CHPT1: variants seen among roughly 807,000 people sequenced by gnomAD.
The protein encoded by CHPT1 is cholinephosphotransferase 1.
CHPT1 carries 36 observed loss-of-function variants against 47.6 expected under a neutral mutation model. The ratio of observed to expected loss-of-function variants is 0.76; its 90% confidence interval spans 0.58 to 1.00. The LOEUF is 1.00. Ranked by LOEUF, CHPT1 falls within the 50% of genes least tolerant of loss-of-function variation. The pLI, the probability that CHPT1 is intolerant of heterozygous loss-of-function variation, is 0.00. For synonymous variants in CHPT1, 194 were observed against 186.3 expected, an observed-to-expected ratio of 1.04 and a Z score of -0.33; for missense variants, 458 against 498.1, an observed-to-expected ratio of 0.92 and a Z score of 0.77.
At chr12:101,726,453 A>AAGTT (rs1951946561) in intron 8 of CHPT1, 49 bp downstream of exon 8, 10 of 1,600,280 alleles carry the variant, frequency 6.2e-6, no homozygotes, top group South Asian at 1.1e-5. Context: ...AGAGGAGATG[A>AAGTT]AGTTAGGGGA....
intron 7 of CHPT1, 92 bp from the exon 8 acceptor site, chr12:101,726,202 T>TAA: frequency 1.2e-6 from 1 of 831,550 alleles, no homozygotes; most frequent in African/African-American, 1.7e-5. Flanking sequence ...AATTTTAGGT[T>TAA]AAGGTTTGAT....
chr12:101,704,045 A>G (rs933645610), intron 1 of CHPT1, among the ~76,000 whole-genome samples: 9 of 152,316 alleles, frequency 5.9e-5, no homozygotes, highest in South Asian at 2.1e-4. Context: ...TGCAGTTTCT[A>G]TTTTTATGAA....
chr12:101,714,703 CTG>C, intron 3 of CHPT1, 58 bp downstream of exon 3: 2 of 1,504,182 alleles, frequency 1.3e-6, no homozygotes, highest in South Asian at 2.6e-5. Context: ...TTTGCACAAT[CTG>C]TTATGTCATT....
intron 8 of CHPT1, chr12:101,727,993 T>TAATC (rs1952007478): frequency 6.6e-6 from 1 of 152,294 alleles, no homozygotes; most frequent in Non-Finnish European, 1.5e-5. Context: ...CTCACACCTG[T>TAATC]AATCCCAGCA....
At chr12:101,719,996 G>C in intron 4 of CHPT1, 127 bp from the exon 5 acceptor site, 1 of 524,192 alleles carries the variant, frequency 1.9e-6, no homozygotes. Context: ...TTATATTCCA[G>C]AAGTTAAGGT....
At position 101,716,745 on chromosome 12, in the gene CHPT1, T is replaced by A. The variant is rs771123242; in HGVS notation, c.581T>A (p.Ile194Asn). 51 of 1,606,638 alleles carry A rather than the reference T, an allele frequency of 3.2e-5. No homozygotes were observed. Among genetic ancestry groups the A allele is most frequent in the Non-Finnish European group, 3.8e-5 (45 of 1,176,802 alleles). Residue 194 changes from isoleucine to asparagine, a missense_variant, in exon 4 of 9, where the codon ATT becomes AAT. Physicochemically the swap from Ile to Asn is moderately radical, Grantham distance 149. Coordinates refer to ENST00000229266, the MANE Select transcript of CHPT1 (RefSeq NM_020244.3). ...LRFGKVDVTE[I>N]QIALVIVFVL... ...CTCTTTAGAGTGGATGTAACTGAAA[T>A]TCAGATAGCTTTAGTGATTGTCTTT...
chr12:101,713,701 T>G (rs751624219), intron 1 of CHPT1, among the ~76,000 whole-genome samples: 39 of 152,214 alleles, frequency 2.6e-4, no homozygotes, highest in Non-Finnish European at 4.7e-4. Context: ...TAGTCCCTGA[T>G]ACTCCATTGT....
intron 8 of CHPT1, 57 bp from the exon 9 acceptor site, chr12:101,728,844 T>G: frequency 6.3e-7 from 1 of 1,590,502 alleles, no homozygotes. Context: ...ATTAAACTAT[T>G]CTAAAGACTT....
At chr12:101,714,441 T>C in intron 2 of CHPT1, 63 bp from the exon 3 acceptor site, 1 of 1,397,874 alleles carries the variant, frequency 7.2e-7, no homozygotes. Flanking sequence ...CTAAACAGCA[T>C]AGGGCAATTA....
chr12:101,716,177 G>T (rs1280082527), intron 3 of CHPT1, among the ~76,000 whole-genome samples: 1 of 152,072 alleles, frequency 6.6e-6, no homozygotes, highest in East Asian at 1.9e-4. Flanking sequence ...GACTGATGCT[G>T]ATTGGTTAGT....
chr12:101,722,095 T>TA (rs1336769663), intron 5 of CHPT1, among the ~76,000 whole-genome samples: 1 of 152,058 alleles, frequency 6.6e-6, no homozygotes, highest in Non-Finnish European at 1.5e-5. Context: ...AAAAAACTGT[T>TA]AGATGTTTGA....
rs1951488030 is a variant in CHPT1, at chr12:101,697,947, T to C, written c.86T>C (p.Leu29Pro). Residue 29 changes from leucine to proline, a missense_variant, in exon 1 of 9, where the codon CTG becomes CCG. By Grantham distance (98) the Leu-to-Pro change is moderately conservative. Transcript: ENST00000229266. ...CTGAGCGCGGCGCAGCTGCGGCGAC[T>C]GGAGGAGCACCGCTACAGCGCGGCG... ...EPLSAAQLRR[L>P]EEHRYSAAGV... The C allele has an allele frequency of 2.0e-6, 3 of 1,532,380 alleles. No individual in the cohort carries two copies. The highest frequency in any genetic ancestry group is 2.6e-6 in the Non-Finnish European group (3 of 1,149,684). The allele number at this position is 1,532,380 out of a possible 1,614,324, so 94.9% of individuals were successfully genotyped here.
rs149374576 is a variant in CHPT1, at chr12:101,711,331, A to G, written c.274-2759A>G. ...GGATAAAGAAACTGTAGTATGCACAATGGAATATTACTGAGCCCTAAAGAA... is the reference window on the plus strand; with the variant it reads ...GGATAAAGAAACTGTAGTATGCACAGTGGAATATTACTGAGCCCTAAAGAA... On this transcript the variant is annotated intron_variant, in intron 1 of 8. Coordinates refer to ENST00000229266, the MANE Select transcript of CHPT1 (RefSeq NM_020244.3). Among the ~76,000 whole-genome samples, 163 of 148,936 alleles carry G rather than the reference A, an allele frequency of 1.1e-3. 16 individuals are homozygous for G. The highest frequency in any genetic ancestry group is 6.0e-4 in the Non-Finnish European group (40 of 66,430).
intron 1 of CHPT1, among the ~76,000 whole-genome samples, chr12:101,699,631 G>A (rs1214867426): frequency 6.6e-5 from 10 of 152,086 alleles, no homozygotes; most frequent in Non-Finnish European, 1.5e-4. Context: ...CAAGTGATCC[G>A]CCTGCCTCGG....
rs1203315668 is a variant in CHPT1 at position 101,697,727 on chromosome 12, G to GC, written c.-133dup. ...GCAGGCCGGCCTGACCTCGACCTCC[G>GC]CCGTGCGGGCCCGACCGGTGAGTCC... is the stretch of plus-strand genomic sequence containing the variant. On this transcript the variant is annotated 5_prime_UTR_variant, in exon 1 of 9. Coordinates refer to ENST00000229266, the MANE Select transcript of CHPT1 (RefSeq NM_020244.3). The GC allele has an allele frequency of 4.6e-6, 1 of 215,378 alleles. No homozygotes were observed. Among genetic ancestry groups the GC allele is most frequent in the Non-Finnish European group, 8.2e-6 (1 of 122,426 alleles). The allele number at this position is 215,378 out of a possible 1,614,324, so 13.3% of individuals were successfully genotyped here.
Position 101,714,118 on chromosome 12 carries a change from C to T in CHPT1, c.302C>T (p.Ala101Val), listed in dbSNP as rs1161011483. ...EAPYWTYLLCALGLFIYQSLD... is the reference protein window; with the variant it reads ...EAPYWTYLLCVLGLFIYQSLD... ...CCATACTGGACATACCTTTTATGTG[C>T]ACTGGGACTTTTTATTTACCAGTCA... The change falls in exon 2 of 9, where the codon GCA (alanine) becomes GTA (valine). Residue 101 changes from alanine (A) to valine (V), a missense_variant. Physicochemically the swap from Ala to Val is moderately conservative, Grantham distance 64 (BLOSUM62 0). Transcript: ENST00000229266. The T allele has an allele frequency of 6.2e-7, 1 of 1,608,786 alleles. No individual in the cohort carries two copies. Among genetic ancestry groups the T allele is most frequent in the Non-Finnish European group, 8.5e-7 (1 of 1,175,620 alleles).
Position 101,728,996 on chromosome 12 carries a change from A to C in CHPT1, c.*51A>C. 1 of 1,613,506 alleles carries C rather than the reference A, an allele frequency of 6.2e-7. No homozygotes were observed. The stretch of plus-strand genomic sequence containing the variant: ...CTTGCTGCTGCTGTTTCATGGAAGG[A>C]GATATTAAACATTTGTTTAATTTTT... On this transcript the variant is annotated 3_prime_UTR_variant, in exon 9 of 9. Coordinates refer to ENST00000229266, the MANE Select transcript of CHPT1 (RefSeq NM_020244.3).
intron 7 of CHPT1, among the ~76,000 whole-genome samples, chr12:101,724,745 G>A (rs966346848): frequency 8.5e-4 from 102 of 119,438 alleles, no homozygotes; most frequent in African/African-American, 3.5e-3. Flanking sequence ...AGGAAACGAC[G>A]TGGATGACAT....
At chr12:101,711,542 A>C (rs1414032452) in intron 1 of CHPT1, among the ~76,000 whole-genome samples, 3 of 147,860 alleles carry the variant, frequency 2.0e-5, no homozygotes, top group African/African-American at 7.3e-5. Context: ...AAGGGGAGGA[A>C]ATGGGAAGAG....
Sources: allele counts gnomAD v4.1 joint callset (sites outside exome capture counted in the v4.1 genomes callset), GRCh38; gene constraint gnomAD v4.1.1; transcripts MANE v1.5; gene names NCBI Gene and HGNC (gene_info 2026-07-23, HGNC 2026-07-21).